PCDHGA9: variants seen among roughly 807,000 people sequenced by gnomAD.
PCDHGA9 encodes the protein protocadherin gamma-A9.
Under a neutral mutation model 62.5 loss-of-function variants are expected in PCDHGA9, and 37 were observed. The ratio of observed to expected loss-of-function variants is 0.59; its 90% CI spans 0.46 to 0.78. The LOEUF is 0.78. PCDHGA9 is among the 30% of genes least tolerant of loss of function. The pLI is 0.00. For synonymous variants in PCDHGA9, 459 were observed against 484.6 expected (o/e 0.95, Z 0.69); for missense variants, 1,138 against 1,166.2 (o/e 0.98, Z 0.35).
chr5:141,410,710 CAT>C lies in PCDHGA9; in HGVS notation c.2424+5337_2424+5338del, dbSNP rs140431021. 1.9e-3 allele frequency: 2,785 copies of C among 1,444,504 alleles called. 45 individuals are homozygous for C. In the African/African-American group the frequency reaches 0.033, roughly 17 times the overall value. The allele number at this position is 1,444,504 out of a possible 1,614,324, so 89.5% of individuals were successfully genotyped here. On this transcript the variant is annotated intron_variant, in intron 1 of 3. Coordinates refer to ENST00000573521, the MANE Select transcript of PCDHGA9 (RefSeq NM_018921.3). ...ACTACTTTATTTTCATATCTAGAATCATATGTTTAAAATCCATAGCTTTTTAC... is the reference window on the plus strand; with the variant it reads ...ACTACTTTATTTTCATATCTAGAATCATGTTTAAAATCCATAGCTTTTTAC...
intron 1 of PCDHGA9, among the ~76,000 whole-genome samples, chr5:141,467,951 A>G (rs2099155044): frequency 6.6e-6 from 1 of 151,944 alleles, no homozygotes; most frequent in East Asian, 1.9e-4. Context: ...GAGCCACCAC[A>G]CCCGGCTGCC....
rs755602367 is a variant in PCDHGA9, at chr5:141,415,231, G to A, written c.2424+9855G>A. ...GGACCTCGGCAGCTTCGAGTCTCCA[G>A]CTAACTCTGAAACCTCAGACCTCAC... On this transcript the variant is annotated intron_variant, in intron 1 of 3. Transcript: ENST00000573521. 2.1e-5 allele frequency: 34 copies of A among 1,614,042 alleles called. No homozygotes were observed. The South Asian group carries it at 3.2e-4, about 15-fold the overall frequency.
chr5:141,427,793 G>C, intron 1 of PCDHGA9: 1 of 1,495,528 alleles, frequency 6.7e-7, no homozygotes, highest in Non-Finnish European at 9.2e-7. Flanking sequence ...CGTCCTACGT[G>C]TCCGTGAGCG....
chr5:141,501,508 C>A (rs1378333182), intron 2 of PCDHGA9, among the ~76,000 whole-genome samples: 1 of 151,960 alleles, frequency 6.6e-6, no homozygotes, highest in Non-Finnish European at 1.5e-5. Flanking sequence ...GGCTCCAAGG[C>A]CTCCAAGCTG....
intron 1 of PCDHGA9, among the ~76,000 whole-genome samples, chr5:141,459,220 A>G (rs1234283814): frequency 6.6e-6 from 1 of 152,234 alleles, no homozygotes; most frequent in Non-Finnish European, 1.5e-5. Flanking sequence ...CTCCAGCTCC[A>G]GGCAACAACT....
chr5:141,446,639 G>T (rs1461520959), intron 1 of PCDHGA9, among the ~76,000 whole-genome samples: 7 of 152,116 alleles, frequency 4.6e-5, no homozygotes, highest in Non-Finnish European at 8.8e-5. Flanking sequence ...ACCACGCCTG[G>T]CTAATTTTTG....
chr5:141,440,883 T>C (rs1435173649), intron 1 of PCDHGA9: 4 of 152,178 alleles, frequency 2.6e-5, no homozygotes, highest in Non-Finnish European at 5.9e-5. Flanking sequence ...AGCGTCGGCC[T>C]TCAGGAAGAT....
intron 1 of PCDHGA9, among the ~76,000 whole-genome samples, chr5:141,443,866 T>C (rs1017854695): frequency 6.6e-6 from 1 of 151,986 alleles, no homozygotes; most frequent in Non-Finnish European, 1.5e-5. Context: ...ACTGAAAAAA[T>C]TACTGATAAG....
Position 141,431,859 on chromosome 5 carries a change from C to T in PCDHGA9, c.2424+26483C>T. ...AACTCTCCCAGAGGGACATTAATTG[C>T]CCTTTTAAATGTAAATGACCAAGAT... On this transcript the variant is annotated intron_variant, in intron 1 of 3. Coordinates refer to ENST00000573521, the MANE Select transcript of PCDHGA9 (RefSeq NM_018921.3). The surrounding 1 kb of genome is among the most constrained non-coding windows in gnomAD (Gnocchi z 4.8). 3.1e-6 allele frequency: 5 copies of T among 1,614,178 alleles called. No homozygotes were observed. The highest frequency in any genetic ancestry group is 4.2e-6 in the Non-Finnish European group (5 of 1,180,008).
At chr5:141,414,897 C>A (rs2095799678) in intron 1 of PCDHGA9, 7 of 1,614,230 alleles carry the variant, frequency 4.3e-6, no homozygotes, top group Non-Finnish European at 5.9e-6. Flanking sequence ...TCCCCACAGA[C>A]GGTTCCACAG....
chr5:141,461,864 C>T (rs911351082), intron 1 of PCDHGA9, among the ~76,000 whole-genome samples: 5 of 151,900 alleles, frequency 3.3e-5, no homozygotes, highest in African/African-American at 9.7e-5. Context: ...GCTCTTGTTG[C>T]CCAGGCTGGA....
rs1454395834 is a variant in PCDHGA9, at chr5:141,413,223, G to A, written c.2424+7847G>A. The stretch of plus-strand genomic sequence containing the variant: ...CAAAGGAATCAAAGGATTGCAGCGG[G>A]CTGGTCCTGCTCTGCCTTTTCTTCG... On this transcript the variant is annotated intron_variant, in intron 1 of 3. Transcript: ENST00000573521. 4 of 1,613,694 alleles carry A rather than the reference G, an allele frequency of 2.5e-6. No individual in the cohort carries two copies. In the African/African-American group the frequency reaches 4.0e-5, roughly 16 times the overall value.
At chr5:141,492,527 G>A (rs1000672383) in intron 1 of PCDHGA9, among the ~76,000 whole-genome samples, 1 of 152,184 alleles carries the variant, frequency 6.6e-6, no homozygotes, top group African/African-American at 2.4e-5. Flanking sequence ...TCTCCCACCT[G>A]CGCCCCGGGC....
chr5:141,427,467 T>TC, intron 1 of PCDHGA9: 1 of 508,052 alleles, frequency 2.0e-6, no homozygotes. Flanking sequence ...AATCGAATCT[T>TC]CCGCCAATAA....
intron 1 of PCDHGA9, chr5:141,408,883 C>A: frequency 6.2e-7 from 1 of 1,613,462 alleles, no homozygotes; most frequent in Non-Finnish European, 8.5e-7. Flanking sequence ...CCACCGCTCA[C>A]ATAGAAATTT....
chr5:141,423,092 A>T (rs2096708373), intron 1 of PCDHGA9: 5 of 1,613,952 alleles, frequency 3.1e-6, no homozygotes, highest in South Asian at 2.2e-5. Flanking sequence ...GCGGTGGGGG[A>T]GCACACGGGC....
intron 1 of PCDHGA9, among the ~76,000 whole-genome samples, chr5:141,460,709 A>G (rs2098995845): frequency 6.6e-6 from 1 of 151,794 alleles, no homozygotes; most frequent in Non-Finnish European, 1.5e-5. Flanking sequence ...ATGAGAATAA[A>G]CTATTGTTAT....
intron 1 of PCDHGA9, among the ~76,000 whole-genome samples, chr5:141,444,242 G>A (rs964582042): frequency 7.5e-6 from 1 of 133,896 alleles, no homozygotes; most frequent in Non-Finnish European, 1.5e-5. Flanking sequence ...CATGCTCTCG[G>A]CTCACTGCAA....
intron 1 of PCDHGA9, chr5:141,427,965 C>T: frequency 6.3e-7 from 1 of 1,590,342 alleles, no homozygotes; most frequent in Non-Finnish European, 8.6e-7. Flanking sequence ...GCCGCGGGTG[C>T]TGTACCCCGC....
Sources: gnomAD v4.1 joint callset for allele counts (sites outside exome capture counted in the v4.1 genomes callset) on GRCh38, gnomAD v4.1.1 for gene constraint, Gnocchi (gnomAD v3.1) non-coding constraint, MANE v1.5 for transcripts, NCBI Gene and HGNC (gene_info 2026-07-23, HGNC 2026-07-21) for gene names.